Variants in TRPM3 observed in about 807,000 individuals in gnomAD.
The protein encoded by TRPM3 is long transient receptor potential channel 3.
TRPM3 carries 77 observed loss-of-function variants against 181.2 expected under a neutral mutation model. That is an observed-to-expected ratio of 0.42 (90% confidence interval 0.35 to 0.51). TRPM3 has a LOEUF of 0.51. Ranked by LOEUF, TRPM3 falls within the 20% of genes least tolerant of loss-of-function variation. The pLI is 0.01. For missense variants in TRPM3, 1,759 were observed against 2,196.7 expected (o/e 0.80, Z 3.98); for synonymous variants, 745 against 796.4 (o/e 0.94, Z 1.09).
chr9:70,796,594 T>C (rs950770769), intron 6 of TRPM3, among the ~76,000 whole-genome samples: 12 of 152,216 alleles, frequency 7.9e-5, no homozygotes, highest in African/African-American at 2.9e-4. Flanking sequence ...CCAATGAACA[T>C]CCTTTATAAA....
chr9:70,882,882 A>G (rs1333629190), intron 1 of TRPM3, among the ~76,000 whole-genome samples: 5 of 152,180 alleles, frequency 3.3e-5, no homozygotes, highest in African/African-American at 1.2e-4. Context: ...ACTTCATAAT[A>G]CCATAAAGAA....
intron 17 of TRPM3, among the ~76,000 whole-genome samples, chr9:70,618,147 T>C (rs1005744113): frequency 6.6e-6 from 1 of 152,100 alleles, no homozygotes; most frequent in Non-Finnish European, 1.5e-5. Flanking sequence ...GAAAAGAACA[T>C]AAAAAAAGCA....
At chr9:70,956,149 G>T (rs879733907) in intron 1 of TRPM3, among the ~76,000 whole-genome samples, 2 of 152,086 alleles carry the variant, frequency 1.3e-5, no homozygotes, top group Non-Finnish European at 2.9e-5. Context: ...TCAGGATAAG[G>T]ATTAAGGAAT....
At chr9:71,413,567 G>A (rs934434764) in intron 1 of TRPM3, among the ~76,000 whole-genome samples, 1 of 152,006 alleles carries the variant, frequency 6.6e-6, no homozygotes, top group Admixed American at 6.6e-5. Context: ...GAATACTATG[G>A]TCTGAATGTG....
intron 1 of TRPM3, among the ~76,000 whole-genome samples, chr9:70,915,388 C>A (rs536973122): frequency 6.6e-6 from 1 of 152,176 alleles, no homozygotes; most frequent in African/African-American, 2.4e-5. Context: ...AGCTTCACCT[C>A]CTGGGTTCCC....
At chr9:70,741,177 G>A in intron 8 of TRPM3, among the ~76,000 whole-genome samples, 1 of 152,070 alleles carries the variant, frequency 6.6e-6, no homozygotes, top group Admixed American at 6.6e-5. Context: ...CTCGAAAGAA[G>A]ATATACAAAT....
At chr9:70,935,171 C>G (rs2096816092) in intron 1 of TRPM3, among the ~76,000 whole-genome samples, 2 of 152,172 alleles carry the variant, frequency 1.3e-5, no homozygotes, top group Admixed American at 1.3e-4. Flanking sequence ...TTCCCCACTT[C>G]TCTGGGCAGT....
intron 9 of TRPM3, among the ~76,000 whole-genome samples, chr9:70,668,456 AG>A (rs2062187791): frequency 1.3e-5 from 2 of 152,050 alleles, no homozygotes; most frequent in Admixed American, 6.6e-5. Flanking sequence ...CGAGGTCAGG[AG>A]ATCGAGACCA....
At chr9:70,997,952 A>T (rs2097557164) in intron 1 of TRPM3, among the ~76,000 whole-genome samples, 1 of 151,958 alleles carries the variant, frequency 6.6e-6, no homozygotes, top group Non-Finnish European at 1.5e-5. Flanking sequence ...AAGCCTCACA[A>T]TAGAATGTCC....
chr9:70,697,643 C>G (rs778769436), intron 8 of TRPM3, among the ~76,000 whole-genome samples: 20 of 152,156 alleles, frequency 1.3e-4, no homozygotes, highest in Non-Finnish European at 2.4e-4. Flanking sequence ...AGGAGTAATT[C>G]TTTCCTCTCT....
intron 1 of TRPM3, among the ~76,000 whole-genome samples, chr9:71,120,903 G>T (rs371930522): frequency 2.6e-5 from 4 of 152,020 alleles, no homozygotes; most frequent in East Asian, 3.9e-4. Flanking sequence ...GGTTAAAAGG[G>T]GTGGGGGAGC....
At chr9:70,608,276 G>A (rs1451793788) in intron 19 of TRPM3, among the ~76,000 whole-genome samples, 3 of 152,150 alleles carry the variant, frequency 2.0e-5, no homozygotes, top group Non-Finnish European at 2.9e-5. Context: ...AAATTTATTC[G>A]GCTCAAGTTT....
At chr9:71,220,808 C>A (rs1409425595) in intron 1 of TRPM3, among the ~76,000 whole-genome samples, 2 of 152,128 alleles carry the variant, frequency 1.3e-5, no homozygotes, top group Non-Finnish European at 2.9e-5. Flanking sequence ...AAAGAGCGCT[C>A]CCAAGGAAAA....
chr9:71,325,328 C>CTGA (rs1477993335), intron 1 of TRPM3, among the ~76,000 whole-genome samples: 8 of 152,112 alleles, frequency 5.3e-5, no homozygotes, highest in African/African-American at 1.9e-4. Context: ...AGGAAACGTG[C>CTGA]TGATATGTCT....
intron 1 of TRPM3, among the ~76,000 whole-genome samples, chr9:71,150,587 A>G (rs990929354): frequency 7.2e-5 from 11 of 152,154 alleles, no homozygotes; most frequent in African/African-American, 2.4e-4. Context: ...ATAGAGAAAG[A>G]ATACAACCTT....
intron 9 of TRPM3, among the ~76,000 whole-genome samples, chr9:70,661,545 G>T (rs1250557273): frequency 1.3e-5 from 2 of 151,996 alleles, no homozygotes; most frequent in Admixed American, 1.3e-4. Context: ...AAACCCTAAA[G>T]ACTCATCCAA....
intron 1 of TRPM3, among the ~76,000 whole-genome samples, chr9:71,137,912 TTCAAGA>T (rs1269733387): frequency 4.0e-5 from 6 of 149,910 alleles, no homozygotes; most frequent in African/African-American, 1.5e-4. Context: ...AGGTCAGGAG[TTCAAGA>T]TCATCCTGGC....
chr9:71,340,630 C>A (rs772002414), intron 1 of TRPM3, among the ~76,000 whole-genome samples: 11 of 152,084 alleles, frequency 7.2e-5, no homozygotes, highest in Admixed American at 1.3e-4. Flanking sequence ...TCCAATAAAC[C>A]TCTTTCTTTT....
At chr9:70,646,287 C>G (rs1440916280) in intron 9 of TRPM3, among the ~76,000 whole-genome samples, 1 of 152,204 alleles carries the variant, frequency 6.6e-6, no homozygotes, top group Non-Finnish European at 1.5e-5. Flanking sequence ...TATTGAAGCA[C>G]TATTCACAAT....
Sources: allele counts gnomAD v4.1 joint callset (sites outside exome capture counted in the v4.1 genomes callset), GRCh38; gene constraint gnomAD v4.1.1; transcripts MANE v1.5; gene names NCBI Gene and HGNC (gene_info 2026-07-23, HGNC 2026-07-21).